The following DNAH2 variants were observed in gnomAD, a reference collection of about 807,000 sequenced individuals.
DNAH2 encodes axonemal beta dynein heavy chain 2.
A neutral mutation model predicts 523.5 loss-of-function variants in DNAH2; 323 were observed. The ratio of observed to expected loss-of-function variants is 0.62; its 90% CI spans 0.56 to 0.68. The LOEUF (loss-of-function observed/expected upper bound fraction) is 0.68. DNAH2 is among the 30% of genes least tolerant of loss of function. The probability of loss-of-function intolerance (pLI) is 0.00; values close to 1 mark genes in which losing one functional copy is unlikely to be tolerated. For synonymous variants in DNAH2, 2,093 were observed against 2,177.4 expected (o/e 0.96, Z 1.08); for missense variants, 4,907 against 5,701.5 (o/e 0.86, Z 4.49).
chr17:7,727,172 G>C lies in DNAH2; in HGVS notation c.279G>C (p.Val93=). ...RAALTGLADA[V]WTQEHDAILE... The stretch of plus-strand genomic sequence containing the variant: ...CGCTGACAGGACTGGCGGATGCAGT[G>C]TGGACACAGGAGCATGATGCCATTC... The change falls in exon 4 of 86, where the codon GTG becomes GTC. Residue 93 remains valine, a synonymous_variant. Coordinates refer to ENST00000572933, the MANE Select transcript of DNAH2 (RefSeq NM_020877.5). 1 of 1,604,780 alleles carries C rather than the reference G, an allele frequency of 6.2e-7. No homozygotes were observed. The highest frequency in any genetic ancestry group is 8.5e-7 in the Non-Finnish European group (1 of 1,176,628).
chr17:7,752,760 A>T (rs541798421), intron 12 of DNAH2, among the ~76,000 whole-genome samples: 2 of 152,346 alleles, frequency 1.3e-5, no homozygotes, highest in South Asian at 2.1e-4. Context: ...TCATTATAAA[A>T]TAACAAAATA....
Position 7,759,403 on chromosome 17 carries a change from C to T in DNAH2, c.2449-19C>T. The T allele has an allele frequency of 1.3e-6, 2 of 1,586,646 alleles. No homozygotes were observed. Among genetic ancestry groups the T allele is most frequent in the East Asian group, 2.2e-5 (1 of 44,522 alleles). ...GTCTTCCCTGAAAAGTTCTCTTTTT[C>T]CTCCCTCCATCCCATCAGATTCAGC... On this transcript the variant is annotated intron_variant, in intron 15 of 85. Transcript: ENST00000572933.
At chr17:7,731,640 T>C (rs1292096527) in intron 4 of DNAH2, among the ~76,000 whole-genome samples, 1 of 152,186 alleles carries the variant, frequency 6.6e-6, no homozygotes, top group Admixed American at 6.5e-5. Context: ...TTAGATGACA[T>C]TTTAACTTTT....
Position 7,828,657 on chromosome 17 carries a change from T to C in DNAH2, c.11854-1643T>C, listed in dbSNP as rs1194147320. On this transcript the variant is annotated intron_variant, in intron 77 of 85. Coordinates refer to ENST00000572933, the MANE Select transcript of DNAH2 (RefSeq NM_020877.5). The surrounding 1 kb of genome is among the most constrained non-coding windows in gnomAD (Gnocchi z 4.1). The stretch of plus-strand genomic sequence containing the variant: ...CAGAGTCTTGTTACGTTGCCTGGGT[T>C]GGTCTCAAACTCCTAGGCTCAAGTG... 6.6e-6 allele frequency among the ~76,000 whole-genome samples: 1 copy of C among 152,124 alleles called. No homozygotes were observed. The highest frequency in any genetic ancestry group is 1.5e-5 in the Non-Finnish European group (1 of 68,042).
At chr17:7,722,193 G>GT (rs1044761848) in intron 2 of DNAH2, among the ~76,000 whole-genome samples, 8 of 134,210 alleles carry the variant, frequency 6.0e-5, no homozygotes, top group Non-Finnish European at 1.1e-4. Context: ...GAGACGGGGG[G>GT]GGGGGTTCAC....
At position 7,818,113 on chromosome 17, in the gene DNAH2, A is replaced by G. The variant is rs1375869332; in HGVS notation, c.10387+17A>G. ...CCCGAATCGGTCAGGACAAGTCCCC[A>G]AGACCAGCCAAGTGGGATGCTAGGG... On this transcript the variant is annotated intron_variant, in intron 68 of 85. Coordinates refer to ENST00000572933, the MANE Select transcript of DNAH2 (RefSeq NM_020877.5). 6.2e-7 allele frequency: 1 copy of G among 1,609,106 alleles called. No homozygotes were observed. Among genetic ancestry groups the G allele is most frequent in the Admixed American group, 1.7e-5 (1 of 60,004 alleles).
intron 39 of DNAH2, among the ~76,000 whole-genome samples, 153 bp from the exon 40 acceptor site, chr17:7,785,971 G>C (rs1046589162): frequency 6.6e-6 from 1 of 152,144 alleles, no homozygotes; most frequent in Non-Finnish European, 1.5e-5. Flanking sequence ...CAATGGGCCA[G>C]CTTCCCAATG....
At chr17:7,734,803 T>C in intron 7 of DNAH2, 95 bp downstream of exon 7, 1 of 1,326,826 alleles carries the variant, frequency 7.5e-7, no homozygotes, top group South Asian at 1.3e-5. Context: ...GCCAAGGCAA[T>C]CTTCGATAGC....
At position 7,733,214 on chromosome 17, in the gene DNAH2, G is replaced by T; in HGVS notation, c.527G>T (p.Gly176Val). The stretch of plus-strand genomic sequence containing the variant: ...ATCCCGGCCCTGCTTCGGCTGCTCG[G>T]TGGAGTCTTTGCCCCTCAGATCTTT... ...PYIPALLRLL[G>V]GVFAPQIFAN... is the part of the protein sequence containing the mutation. The change falls in exon 5 of 86, where the codon GGT (glycine) becomes GTT (valine). Residue 176 changes from glycine to valine, a missense_variant. By Grantham distance (109) the Gly-to-Val change is moderately radical. Coordinates refer to ENST00000572933, the MANE Select transcript of DNAH2 (RefSeq NM_020877.5). 6.2e-7 allele frequency: 1 copy of T among 1,614,214 alleles called. No homozygotes were observed. The highest frequency in any genetic ancestry group is 8.5e-7 in the Non-Finnish European group (1 of 1,180,036).
chr17:7,825,581 C>A (rs946270977), intron 77 of DNAH2, among the ~76,000 whole-genome samples: 1 of 152,188 alleles, frequency 6.6e-6, no homozygotes, highest in Non-Finnish European at 1.5e-5. Context: ...TTTTCCTCTG[C>A]CTGTGACCAG....
intron 68 of DNAH2, 106 bp downstream of exon 68, chr17:7,818,202 G>A: frequency 6.3e-7 from 1 of 1,595,242 alleles, no homozygotes; most frequent in South Asian, 1.1e-5. Context: ...GACAGCCCTG[G>A]CCTGGGGCCT....
At chr17:7,817,142 C>T (rs768487070) in intron 64 of DNAH2, 148 bp from the exon 65 acceptor site, 3 of 1,104,736 alleles carry the variant, frequency 2.7e-6, no homozygotes, top group Non-Finnish European at 2.5e-6. Context: ...TAGAACCAGG[C>T]TAGAGTTGTC....
At chr17:7,795,630 C>T (rs2077039300) in intron 49 of DNAH2, among the ~76,000 whole-genome samples, 1 of 148,782 alleles carries the variant, frequency 6.7e-6, no homozygotes. Context: ...ACCATGATTG[C>T]ACCATTGGAC....
chr17:7,776,238 G>GTAGGA, intron 31 of DNAH2, 89 bp downstream of exon 31: 2 of 1,477,444 alleles, frequency 1.4e-6, no homozygotes, highest in Non-Finnish European at 1.8e-6. Context: ...GGCCGAGGTG[G>GTAGGA]GCAGATCACT....
intron 4 of DNAH2, among the ~76,000 whole-genome samples, chr17:7,727,663 G>A (rs1348620099): frequency 6.8e-6 from 1 of 146,972 alleles, no homozygotes; most frequent in Non-Finnish European, 1.5e-5. Flanking sequence ...GGCTGAGGCA[G>A]AAGAATCGCT....
At chr17:7,730,442 A>G (rs942234537) in intron 4 of DNAH2, among the ~76,000 whole-genome samples, 1 of 152,230 alleles carries the variant, frequency 6.6e-6, no homozygotes, top group Non-Finnish European at 1.5e-5. Context: ...TAAAGATAAA[A>G]TACAAGTAAT....
chr17:7,721,015 T>C (rs1467914798), intron 2 of DNAH2, among the ~76,000 whole-genome samples: 3 of 141,798 alleles, frequency 2.1e-5, no homozygotes, highest in African/African-American at 5.7e-5. Flanking sequence ...TTTTTTTTTT[T>C]TTTTTTTTTT....
intron 33 of DNAH2, 55 bp from the exon 34 acceptor site, chr17:7,778,022 G>A (rs2076503064): frequency 6.7e-7 from 1 of 1,493,064 alleles, no homozygotes; most frequent in East Asian, 2.3e-5. Flanking sequence ...CATTGTCCCA[G>A]CTCTAACTCT....
intron 12 of DNAH2, 179 bp downstream of exon 12, chr17:7,743,321 C>A: frequency 1.4e-6 from 1 of 733,420 alleles, no homozygotes; most frequent in South Asian, 1.5e-5. Flanking sequence ...CCACCTCCCA[C>A]CCTGCTATCA....
Sources: allele counts gnomAD v4.1 joint callset (sites outside exome capture counted in the v4.1 genomes callset), GRCh38; gene constraint gnomAD v4.1.1; non-coding constraint Gnocchi (gnomAD v3.1); transcripts MANE v1.5; gene names NCBI Gene and HGNC (gene_info 2026-07-23, HGNC 2026-07-21).